The following BNC2 variants were observed in gnomAD, a reference collection of about 807,000 sequenced individuals.
BNC2 encodes basonuclin zinc finger protein 2, also known as zinc finger protein basonuclin-2.
Under a neutral mutation model 76.3 loss-of-function variants are expected in BNC2, and 20 were observed. That is an observed-to-expected ratio of 0.26 (90% CI 0.18 to 0.38). The LOEUF (loss-of-function observed/expected upper bound fraction) is 0.38. Ranked by LOEUF, BNC2 falls within the 10% of genes least tolerant of loss-of-function variation. BNC2 has a pLI of 1.00. For synonymous variants in BNC2, 582 were observed against 514.8 expected (o/e 1.13, Z -1.77); for missense variants, 1,382 against 1,399.8 (o/e 0.99, Z 0.20).
At chr9:16,671,323 G>T (rs933569478) in intron 3 of BNC2, among the ~76,000 whole-genome samples, 1 of 152,100 alleles carries the variant, frequency 6.6e-6, no homozygotes, top group African/African-American at 2.4e-5. Context: ...TGAACGAAAA[G>T]GTGAAGCAAT....
intron 1 of BNC2, among the ~76,000 whole-genome samples, chr9:16,798,380 A>C (rs1171520656): frequency 6.6e-6 from 1 of 152,186 alleles, no homozygotes; most frequent in Non-Finnish European, 1.5e-5. Flanking sequence ...TTAGTCAATA[A>C]ATTAAATATA....
intron 1 of BNC2, among the ~76,000 whole-genome samples, chr9:16,845,103 C>A: frequency 6.6e-6 from 1 of 152,322 alleles, no homozygotes; most frequent in South Asian, 2.1e-4. Context: ...TCCTATCAGT[C>A]GGGCTGGGGG....
At chr9:16,838,894 G>C (rs755111212) in intron 1 of BNC2, among the ~76,000 whole-genome samples, 1 of 152,186 alleles carries the variant, frequency 6.6e-6, no homozygotes, top group Admixed American at 6.5e-5. Flanking sequence ...AATAGTACTT[G>C]AGAAAGATAC....
chr9:16,793,977 C>T (rs575230895), intron 1 of BNC2, among the ~76,000 whole-genome samples: 3 of 149,270 alleles, frequency 2.0e-5, no homozygotes, highest in African/African-American at 7.4e-5. Context: ...GCTGGGATTA[C>T]AGGCGTGAGC....
In BNC2 at chr9:16,435,687, T is replaced by G; in HGVS notation, c.2507A>C (p.Tyr836Ser). 6.2e-7 allele frequency: 1 copy of G among 1,614,164 alleles called. No individual in the cohort carries two copies. Among genetic ancestry groups the G allele is most frequent in the African/African-American group, 1.3e-5 (1 of 75,056 alleles). ...GCTTTTGAAACTCTTCTTGCACACA[T>G]AACAGATTTTGGGGTCTGGGCTAGA... The part of the protein sequence containing the change: ...LCSSPDPKIC[Y>S]VCKKSFKSSY... Residue 836 changes from tyrosine (Y) to serine (S), a missense_variant, in exon 6 of 7, where the codon TAT (tyrosine) becomes TCT (serine). Tyr to Ser is a moderately radical substitution (Grantham distance 144). Around this residue, in one of 3 missense-constraint regions of BNC2, gnomAD observed 798 missense variants for 775.5 expected, o/e 1.03. Transcript: ENST00000380672.
At chr9:16,579,809 T>C (rs187244022) in intron 4 of BNC2, 2 of 273,324 alleles carry the variant, frequency 7.3e-6, no homozygotes, top group Non-Finnish European at 1.4e-5. Context: ...ACAAGGATAA[T>C]TTATTCAAGA....
At chr9:16,749,081 CTT>C (rs1825103337) in intron 1 of BNC2, among the ~76,000 whole-genome samples, 1 of 151,740 alleles carries the variant, frequency 6.6e-6, no homozygotes, top group Non-Finnish European at 1.5e-5. Context: ...AGCTTGTAAG[CTT>C]TGTTTCATTC....
intron 1 of BNC2, among the ~76,000 whole-genome samples, chr9:16,802,580 G>C (rs941122549): frequency 5.3e-5 from 8 of 152,206 alleles, no homozygotes; most frequent in African/African-American, 1.9e-4. Context: ...GTTTATACAA[G>C]AGAGACAACT....
chr9:16,454,729 C>T (rs1821412010), intron 5 of BNC2, among the ~76,000 whole-genome samples: 1 of 152,180 alleles, frequency 6.6e-6, no homozygotes, highest in Admixed American at 6.5e-5. Flanking sequence ...ACAAAAACAG[C>T]CAGTGTGAGC....
intron 4 of BNC2, among the ~76,000 whole-genome samples, chr9:16,555,654 A>G (rs1321049353): frequency 1.3e-5 from 2 of 151,936 alleles, no homozygotes; most frequent in African/African-American, 4.8e-5. Context: ...AATTAGCTGG[A>G]CATGGTGGCG....
At chr9:16,804,277 T>G (rs1300580624) in intron 1 of BNC2, among the ~76,000 whole-genome samples, 2 of 152,236 alleles carry the variant, frequency 1.3e-5, no homozygotes, top group Non-Finnish European at 2.9e-5. Context: ...TCTAAATATT[T>G]CACATGCAAA....
At chr9:16,570,492 T>G (rs564396453) in intron 4 of BNC2, among the ~76,000 whole-genome samples, 95 of 152,320 alleles carry the variant, frequency 6.2e-4, no homozygotes, top group African/African-American at 2.1e-3. Flanking sequence ...ATTTGCTTAA[T>G]GCATATATCA....
intron 5 of BNC2, among the ~76,000 whole-genome samples, chr9:16,480,898 A>G (rs1465432294): frequency 6.6e-6 from 1 of 152,168 alleles, no homozygotes; most frequent in Non-Finnish European, 1.5e-5. Flanking sequence ...GTGCGAGCAC[A>G]TGGCACGGGA....
intron 6 of BNC2, among the ~76,000 whole-genome samples, chr9:16,419,926 C>A (rs570638153): frequency 6.6e-6 from 1 of 152,158 alleles, no homozygotes; most frequent in South Asian, 2.1e-4. Flanking sequence ...ACCCGTGCAC[C>A]TTTTTCTCAA....
chr9:16,571,224 T>A (rs1015081301), intron 4 of BNC2, among the ~76,000 whole-genome samples: 7 of 152,324 alleles, frequency 4.6e-5, no homozygotes, highest in Non-Finnish European at 7.4e-5. Flanking sequence ...TAGCTTTTTT[T>A]AATTAAAAGT....
rs562019617 is a variant in BNC2 at position 16,465,319 on chromosome 9, C to G, written c.670-27795G>C. Among the ~76,000 whole-genome samples the G allele has an allele frequency of 3.6e-4, 55 of 151,860 alleles. No individual in the cohort carries two copies. In the South Asian group the frequency reaches 0.011, roughly 31 times the overall value. On this transcript the variant is annotated intron_variant, in intron 5 of 6. Transcript: ENST00000380672. ...GGTGTGGTGGCAGGCGCCTGTAGTCCCAGCTACTATGGAGGCTTAGGCATG... is the reference window on the plus strand; with the variant it reads ...GGTGTGGTGGCAGGCGCCTGTAGTCGCAGCTACTATGGAGGCTTAGGCATG...
At chr9:16,697,041 G>T (rs1424466341) in intron 3 of BNC2, among the ~76,000 whole-genome samples, 1 of 152,162 alleles carries the variant, frequency 6.6e-6, no homozygotes, top group East Asian at 1.9e-4. Context: ...TAGAAAGGGG[G>T]AAATACCCAT....
rs1168678987 is a variant in BNC2, at chr9:16,863,906, C to T, written c.3+6740G>A. On this transcript the variant is annotated intron_variant, in intron 1 of 6. Coordinates refer to ENST00000380672, the MANE Select transcript of BNC2 (RefSeq NM_017637.6). ...ATATTTTATTTACCCTCAGTAAAAA[C>T]GGTTCTCCTAGTTTAAAAAAGAAAA... Among the ~76,000 whole-genome samples, 10 of 152,106 alleles carry T rather than the reference C, an allele frequency of 6.6e-5. No individual in the cohort carries two copies. In the South Asian group the frequency reaches 1.7e-3, roughly 25 times the overall value.
At chr9:16,464,420 A>C (rs772127756) in intron 5 of BNC2, among the ~76,000 whole-genome samples, 1 of 152,282 alleles carries the variant, frequency 6.6e-6, no homozygotes, top group Middle Eastern at 3.4e-3. Flanking sequence ...CAAACCTGGA[A>C]GAAGGGAAGA....
Sources: gnomAD v4.1 joint callset for allele counts (sites outside exome capture counted in the v4.1 genomes callset) on GRCh38, gnomAD v4.1.1 for gene constraint, gnomAD v4.1.1 regional missense constraint, MANE v1.5 for transcripts, NCBI Gene and HGNC (gene_info 2026-07-23, HGNC 2026-07-21) for gene names.